The following DNAJC16 variants were observed in gnomAD, a reference collection of about 807,000 sequenced individuals.
DNAJC16 encodes dnaJ homolog subfamily C member 16.
In DNAJC16, 76 loss-of-function variants were observed where a neutral mutation model predicts 92.7. The ratio of observed to expected loss-of-function variants is 0.82; its 90% CI spans 0.68 to 0.99. The LOEUF is 0.99. DNAJC16 is among the 50% of genes least tolerant of loss of function. The pLI is 0.00. For synonymous variants in DNAJC16, 328 were observed against 358.7 expected (o/e 0.91, Z 0.97); for missense variants, 869 against 942.4 (o/e 0.92, Z 1.02).
rs572079680 is a variant in DNAJC16, at chr1:15,529,362, C to T, written c.167+90C>T. 1.6e-4 allele frequency: 213 copies of T among 1,308,382 alleles called. 2 individuals are homozygous for T. The South Asian group carries it at 3.1e-3, about 19-fold the overall frequency. The allele number at this position is 1,308,382 out of a possible 1,614,324, so 81.0% of individuals were successfully genotyped here. ...AATTATGACTAGCTTTTATTTGTCT[C>T]TGTTTCTATGTTCAATATATATATC... On this transcript the variant is annotated intron_variant, in intron 2 of 14. Coordinates refer to ENST00000375847, the MANE Select transcript of DNAJC16 (RefSeq NM_015291.4).
At chr1:15,552,268 A>G (rs538591271) in intron 7 of DNAJC16, among the ~76,000 whole-genome samples, 32 of 151,648 alleles carry the variant, frequency 2.1e-4, no homozygotes, top group Non-Finnish European at 2.9e-4. Flanking sequence ...CAGGTGGATC[A>G]TGAGGTCAGG....
intron 7 of DNAJC16, among the ~76,000 whole-genome samples, chr1:15,552,407 T>A (rs1430979983): frequency 6.6e-6 from 1 of 151,736 alleles, no homozygotes; most frequent in African/African-American, 2.4e-5. Context: ...AAGAATCACT[T>A]GAACCTGGGA....
intron 4 of DNAJC16, 26 bp downstream of exon 4, chr1:15,536,840 A>G (rs757724911): frequency 1.3e-5 from 20 of 1,560,272 alleles, no homozygotes; most frequent in Admixed American, 2.0e-5. Context: ...TCACTGAAAG[A>G]TATTTATATA....
intron 6 of DNAJC16, among the ~76,000 whole-genome samples, chr1:15,547,478 T>A (rs1570913414): frequency 6.7e-6 from 1 of 150,204 alleles, no homozygotes; most frequent in East Asian, 2.0e-4. Context: ...AGTCTCACTC[T>A]GTTGCCCATG....
At chr1:15,547,464 A>G (rs1181614529) in intron 6 of DNAJC16, among the ~76,000 whole-genome samples, 1 of 135,540 alleles carries the variant, frequency 7.4e-6, no homozygotes, top group Non-Finnish European at 1.5e-5. Flanking sequence ...TTTTTCGGAG[A>G]CCAAGTCTCA....
rs982070314 is a variant in DNAJC16, at chr1:15,562,382, T to A, written c.1338+57T>A. 32 of 1,484,716 alleles carry A rather than the reference T, an allele frequency of 2.2e-5. No individual in the cohort carries two copies. The Middle Eastern group carries it at 7.2e-4, about 33-fold the overall frequency. 92.0% of individuals were successfully genotyped at this position (1,484,716 alleles called of 1,614,324 possible). On this transcript the variant is annotated intron_variant, in intron 9 of 14. Transcript: ENST00000375847. ...TCTTCATAACCATGTGGCACTTGAT[T>A]CTGTTTCCTTCTTCCTTGAGAGTGT...
chr1:15,556,421 C>T (rs975489031), intron 7 of DNAJC16, among the ~76,000 whole-genome samples: 2 of 151,910 alleles, frequency 1.3e-5, no homozygotes, highest in East Asian at 1.9e-4. Flanking sequence ...ATTTTTTAGT[C>T]GAGGAGGGGT....
At chr1:15,547,175 C>A (rs547368457) in intron 6 of DNAJC16, among the ~76,000 whole-genome samples, 1 of 148,304 alleles carries the variant, frequency 6.7e-6, no homozygotes, top group East Asian at 2.0e-4. Context: ...GACAGAGTCT[C>A]GCTCTGTCGC....
chr1:15,540,439 G>A (rs1049502825), intron 4 of DNAJC16, among the ~76,000 whole-genome samples: 3 of 152,116 alleles, frequency 2.0e-5, no homozygotes, highest in Non-Finnish European at 4.4e-5. Context: ...GGCACACACG[G>A]GCATGCCCAG....
chr1:15,540,013 C>A (rs934302731), intron 4 of DNAJC16, among the ~76,000 whole-genome samples: 7 of 151,406 alleles, frequency 4.6e-5, no homozygotes, highest in Non-Finnish European at 1.0e-4. Flanking sequence ...GGCAACAGAG[C>A]AAAACTCTGT....
chr1:15,551,413 G>A (rs532314839), intron 7 of DNAJC16, among the ~76,000 whole-genome samples: 1 of 152,246 alleles, frequency 6.6e-6, no homozygotes, highest in South Asian at 2.1e-4. Flanking sequence ...TTAGACTCGG[G>A]AATTTGGCAG....
At chr1:15,549,657 AC>A (rs1459559572) in intron 7 of DNAJC16, among the ~76,000 whole-genome samples, 1 of 151,618 alleles carries the variant, frequency 6.6e-6, no homozygotes, top group African/African-American at 2.4e-5. Flanking sequence ...TACTAAAAAT[AC>A]AAAAAATTAG....
intron 3 of DNAJC16, 40 bp downstream of exon 3, chr1:15,534,343 C>T (rs371170504): frequency 4.4e-6 from 7 of 1,599,684 alleles, no homozygotes; most frequent in African/African-American, 1.3e-5. Context: ...TTAGCTCTTA[C>T]AAAATATGCC....
At chr1:15,559,420 T>C (rs1638642278) in intron 7 of DNAJC16, 106 bp from the exon 8 acceptor site, 1 of 1,493,528 alleles carries the variant, frequency 6.7e-7, no homozygotes, top group Non-Finnish European at 9.1e-7. Flanking sequence ...TATATTACTT[T>C]AGCCAAGGTC....
rs72868567 is a variant in DNAJC16, at chr1:15,530,041, A to G, written c.167+769A>G. ...TTTAAAAATATTTTTGAATATTTCA[A>G]AATAGAAAATATTATATTTTGGTTG... On this transcript the variant is annotated intron_variant, in intron 2 of 14. Coordinates refer to ENST00000375847, the MANE Select transcript of DNAJC16 (RefSeq NM_015291.4). 4.8e-3 allele frequency among the ~76,000 whole-genome samples: 731 copies of G among 152,076 alleles called. 10 individuals carry two copies. The highest frequency in any genetic ancestry group is 0.017 in the African/African-American group (699 of 41,354).
chr1:15,527,179 C>T (rs1710536652), intron 1 of DNAJC16, among the ~76,000 whole-genome samples: 1 of 151,902 alleles, frequency 6.6e-6, no homozygotes, highest in Non-Finnish European at 1.5e-5. Context: ...GGGCTTAGAC[C>T]TGGAGCTTGT....
intron 7 of DNAJC16, among the ~76,000 whole-genome samples, chr1:15,555,476 A>G (rs1341490358): frequency 6.6e-6 from 1 of 150,672 alleles, no homozygotes; most frequent in Non-Finnish European, 1.5e-5. Context: ...CCAGGTCAGG[A>G]GTTCGAGACC....
At chr1:15,552,211 GGC>G (rs1384926327) in intron 7 of DNAJC16, among the ~76,000 whole-genome samples, 1 of 151,636 alleles carries the variant, frequency 6.6e-6, no homozygotes, top group African/African-American at 2.4e-5. Context: ...ATGTTGGCCA[GGC>G]GTGGTGACTC....
At chr1:15,562,023 GCA>G in intron 8 of DNAJC16, 117 bp from the exon 9 acceptor site, 1 of 932,394 alleles carries the variant, frequency 1.1e-6, no homozygotes, top group Non-Finnish European at 1.5e-6. Context: ...CTTTCACTGG[GCA>G]CAGTGTATTC....
Sources: allele counts gnomAD v4.1 joint callset (sites outside exome capture counted in the v4.1 genomes callset), GRCh38; gene constraint gnomAD v4.1.1; transcripts MANE v1.5; gene names NCBI Gene and HGNC (gene_info 2026-07-23, HGNC 2026-07-21).